NR2C1: variants seen among roughly 807,000 people sequenced by gnomAD.
NR2C1 encodes the protein TR2 nuclear hormone receptor.
In NR2C1, 33 loss-of-function variants were observed where a neutral mutation model predicts 74.8. The observed-to-expected ratio is 0.44, with a 90% CI of 0.33 to 0.59. NR2C1 has a LOEUF of 0.59. Ranked by LOEUF, NR2C1 falls within the 20% of genes least tolerant of loss-of-function variation. The probability of loss-of-function intolerance (pLI) is 0.02; values close to 1 mark genes in which losing one functional copy is unlikely to be tolerated. For missense variants in NR2C1, 568 were observed against 715.6 expected (o/e 0.79, Z 2.35); for synonymous variants, 225 against 240.6 (o/e 0.94, Z 0.60).
intron 12 of NR2C1, among the ~76,000 whole-genome samples, chr12:95,027,745 A>AT (rs1279733691): frequency 6.7e-6 from 1 of 149,748 alleles, no homozygotes; most frequent in African/African-American, 2.5e-5. Flanking sequence ...AAAAAAAAAA[A>AT]GTATACAATT....
intron 12 of NR2C1, among the ~76,000 whole-genome samples, chr12:95,026,043 T>C (rs1427410163): frequency 6.6e-6 from 1 of 151,694 alleles, no homozygotes; most frequent in African/African-American, 2.4e-5. Flanking sequence ...CCGTCTCTAC[T>C]AAAAATACAA....
intron 11 of NR2C1, among the ~76,000 whole-genome samples, chr12:95,030,164 C>G (rs1188631181): frequency 2.0e-5 from 3 of 152,176 alleles, no homozygotes; most frequent in African/African-American, 7.2e-5. Flanking sequence ...TGAACCACCC[C>G]ACCTGGCTGA....
At chr12:95,040,694 A>G in intron 9 of NR2C1, 97 bp from the exon 10 acceptor site, 1 of 1,118,758 alleles carries the variant, frequency 8.9e-7, no homozygotes, top group Non-Finnish European at 1.2e-6. Context: ...ATCAAATGAG[A>G]GCTAATATAT....
At chr12:95,023,012 A>G (rs1317080836) in intron 13 of NR2C1, among the ~76,000 whole-genome samples, 3 of 151,904 alleles carry the variant, frequency 2.0e-5, no homozygotes, top group Non-Finnish European at 2.9e-5. Flanking sequence ...CAAGTTATAC[A>G]TTTAAGAATG....
chr12:95,070,737 C>T (rs1048511828), intron 1 of NR2C1, among the ~76,000 whole-genome samples: 2 of 152,208 alleles, frequency 1.3e-5, no homozygotes, highest in African/African-American at 4.8e-5. Context: ...TCACAAGGTG[C>T]CTGGCACTGT....
At chr12:95,040,365 ATGTTATAC>A in intron 10 of NR2C1, 103 bp downstream of exon 10, 1 of 1,008,320 alleles carries the variant, frequency 9.9e-7, no homozygotes, top group Admixed American at 2.7e-5. Flanking sequence ...TAAAGCTATA[ATGTTATAC>A]TGTTTTTTCC....
At chr12:95,059,451 A>C (rs1874414184) in intron 4 of NR2C1, among the ~76,000 whole-genome samples, 1 of 152,102 alleles carries the variant, frequency 6.6e-6, no homozygotes, top group African/African-American at 2.4e-5. Flanking sequence ...TTACACCTGT[A>C]ATCCCAGCAC....
intron 12 of NR2C1, 104 bp from the exon 13 acceptor site, chr12:95,025,359 C>T: frequency 1.6e-6 from 1 of 629,104 alleles, no homozygotes; most frequent in South Asian, 2.2e-5. Flanking sequence ...GAAGCCCCAT[C>T]ATAAAATGTG....
At chr12:95,051,043 T>TC in intron 8 of NR2C1, among the ~76,000 whole-genome samples, 2 of 152,346 alleles carry the variant, frequency 1.3e-5, no homozygotes, top group East Asian at 3.9e-4. Context: ...ATTCACTTAC[T>TC]GATTTTGTCA....
chr12:95,062,508 C>T lies in NR2C1; in HGVS notation c.285G>A (p.Gln95=). The change falls in exon 3 of 14, where the codon CAG becomes CAA. Residue 95 remains glutamine (Q), a splice_region_variant and synonymous_variant. Coordinates refer to ENST00000333003, the MANE Select transcript of NR2C1 (RefSeq NM_003297.4). ...AAAAGACACTTCTATAGTTATTTACCTGCAGGTGTTGTGCAGACAGATCAG... is the reference window on the plus strand; with the variant it reads ...AAAAGACACTTCTATAGTTATTTACTTGCAGGTGTTGTGCAGACAGATCAG... The part of the protein sequence containing the change: ...TTPDLSAQHL[Q]LLTDNSPDQG... The T allele has an allele frequency of 6.3e-7, 1 of 1,592,090 alleles. No homozygotes were observed. Among genetic ancestry groups the T allele is most frequent in the Non-Finnish European group, 8.6e-7 (1 of 1,165,126 alleles).
intron 2 of NR2C1, among the ~76,000 whole-genome samples, chr12:95,065,877 G>C (rs1022732633): frequency 6.6e-6 from 1 of 151,616 alleles, no homozygotes; most frequent in Non-Finnish European, 1.5e-5. Flanking sequence ...TTGAACCAGG[G>C]AGGCGGAGGT....
At chr12:95,042,044 A>G (rs190830318) in intron 9 of NR2C1, among the ~76,000 whole-genome samples, 5 of 152,292 alleles carry the variant, frequency 3.3e-5, no homozygotes, top group Non-Finnish European at 7.4e-5. Flanking sequence ...AGTATGTATT[A>G]AATAGATGAC....
intron 9 of NR2C1, among the ~76,000 whole-genome samples, chr12:95,043,917 A>G (rs907873967): frequency 6.6e-6 from 1 of 152,124 alleles, no homozygotes; most frequent in African/African-American, 2.4e-5. Flanking sequence ...ATAAAGAGAG[A>G]AAATGTTTCA....
chr12:95,033,714 C>G (rs910656506), intron 10 of NR2C1, among the ~76,000 whole-genome samples: 1 of 152,146 alleles, frequency 6.6e-6, no homozygotes, highest in African/African-American at 2.4e-5. Flanking sequence ...TTCAGTGTCA[C>G]GCACACACGT....
intron 8 of NR2C1, among the ~76,000 whole-genome samples, chr12:95,050,561 G>A (rs116549941): frequency 0.012 from 1,816 of 151,906 alleles, 25 homozygotes; most frequent in African/African-American, 0.042. Flanking sequence ...CACCCCTCTC[G>A]GCCTCCTAAA....
chr12:95,024,189 A>C (rs1869078642), intron 13 of NR2C1, among the ~76,000 whole-genome samples: 1 of 152,194 alleles, frequency 6.6e-6, no homozygotes, highest in South Asian at 2.1e-4. Context: ...ATGTTATCTT[A>C]CTAGTTTGAA....
intron 9 of NR2C1, among the ~76,000 whole-genome samples, chr12:95,042,866 G>A (rs1301597104): frequency 6.7e-6 from 1 of 149,504 alleles, no homozygotes; most frequent in Non-Finnish European, 1.5e-5. Context: ...GGAGGCCAAG[G>A]TGAGAGGACT....
Position 95,040,551 on chromosome 12 carries a change from A to G in NR2C1, c.1178T>C (p.Ile393Thr), listed in dbSNP as rs759671166. ...CAGCAGTCTGGAGGCAGACTCCCCAATGTAGTGCACATTCAGGTACTCAGG... is the reference window on the plus strand; with the variant it reads ...CAGCAGTCTGGAGGCAGACTCCCCAGTGTAGTGCACATTCAGGTACTCAGG... ...PMPEYLNVHY[I>T]GESASRLLFL... Residue 393 changes from isoleucine (I) to threonine (T), a missense_variant, in exon 10 of 14, where the codon ATT (isoleucine) becomes ACT (threonine). Ile to Thr is a moderately conservative substitution (Grantham distance 89). Coordinates refer to ENST00000333003, the MANE Select transcript of NR2C1 (RefSeq NM_003297.4). 11 of 1,613,650 alleles carry G rather than the reference A, an allele frequency of 6.8e-6. No individual in the cohort carries two copies. Among genetic ancestry groups the G allele is most frequent in the East Asian group, 6.7e-5 (3 of 44,870 alleles).
At chr12:95,058,757 T>C (rs997472135) in intron 4 of NR2C1, among the ~76,000 whole-genome samples, 1 of 152,140 alleles carries the variant, frequency 6.6e-6, no homozygotes. Flanking sequence ...CCCAACTAGC[T>C]GGGACTACAG....
Sources: allele counts gnomAD v4.1 joint callset (sites outside exome capture counted in the v4.1 genomes callset), GRCh38; gene constraint gnomAD v4.1.1; transcripts MANE v1.5; gene names NCBI Gene and HGNC (gene_info 2026-07-23, HGNC 2026-07-21).